The following CHEK1 variants were observed in gnomAD, a reference collection of about 807,000 sequenced individuals.
CHEK1 encodes serine/threonine-protein kinase Chk1.
A neutral mutation model predicts 60.2 loss-of-function variants in CHEK1; 32 were observed. The observed-to-expected ratio is 0.53, with a 90% CI of 0.40 to 0.71. CHEK1 has a LOEUF of 0.71. CHEK1 is among the 30% of genes least tolerant of loss of function. CHEK1 has a pLI of 0.00. For synonymous variants in CHEK1, 179 were observed against 187.2 expected (o/e 0.96, Z 0.36); for missense variants, 399 against 564.6 (o/e 0.71, Z 2.97).
intron 13 of CHEK1, among the ~76,000 whole-genome samples, chr11:125,673,803 T>C (rs977844820): frequency 4.6e-5 from 7 of 152,180 alleles, no homozygotes; most frequent in African/African-American, 1.7e-4. Flanking sequence ...CCATCCAATT[T>C]GTTGTGAAGG....
downstream of CHEK1, chr11:125,681,060 C>CA: frequency 1.7e-5 from 2 of 115,836 alleles, no homozygotes; most frequent in Non-Finnish European, 3.2e-5. This position sits in a 1 kb window ranked among gnomAD's most constrained non-coding sequence, Gnocchi z 4.2. Flanking sequence ...TCTGCCCTAT[C>CA]TTTAAAAAAA....
At chr11:125,648,529 C>T (rs2136043256) in intron 11 of CHEK1, among the ~76,000 whole-genome samples, 1 of 151,698 alleles carries the variant, frequency 6.6e-6, no homozygotes, top group Middle Eastern at 3.4e-3. Context: ...TTGCAGTGAG[C>T]CGAGATGACG....
At chr11:125,676,702 T>G (rs1373113730), downstream of CHEK1, among the ~76,000 whole-genome samples, 1 of 138,280 alleles carries the variant, frequency 7.2e-6, no homozygotes, top group Non-Finnish European at 1.7e-5. Flanking sequence ...CCCAAATTTC[T>G]CTCTCTAATA....
chr11:125,635,972 A>G (rs1210121462), intron 7 of CHEK1: 1 of 153,138 alleles, frequency 6.5e-6, no homozygotes, highest in East Asian at 1.9e-4. Flanking sequence ...GGTATACCCT[A>G]TTGATCTCAG....
In CHEK1 at chr11:125,656,019, C is replaced by G. The variant is rs1404227733; in HGVS notation, c.*699C>G. On this transcript the variant is annotated 3_prime_UTR_variant, in exon 13 of 13. Transcript: ENST00000438015. Reference sequence around the variant, plus strand: ...AATATTTTTCTATATTTTCTACTTTCATAGCCATATTTTAACCTTTTCAAC... The same window carrying G: ...AATATTTTTCTATATTTTCTACTTTGATAGCCATATTTTAACCTTTTCAAC... 1 of 210,190 alleles carries G rather than the reference C, an allele frequency of 4.8e-6. No individual in the cohort carries two copies. Among genetic ancestry groups the G allele is most frequent in the Non-Finnish European group, 9.6e-6 (1 of 103,716 alleles). The allele number at this position is 210,190 out of a possible 1,614,324, so 13.0% of individuals were successfully genotyped here.
chr11:125,658,015 A>G (rs1941950490), downstream of CHEK1, among the ~76,000 whole-genome samples: 1 of 152,196 alleles, frequency 6.6e-6, no homozygotes, highest in Non-Finnish European at 1.5e-5. Context: ...TAGTATTCCA[A>G]ATTTTCACCT....
chr11:125,668,497 G>T (rs757808288), intron 13 of CHEK1, among the ~76,000 whole-genome samples: 64 of 152,062 alleles, frequency 4.2e-4, no homozygotes, highest in Non-Finnish European at 7.6e-4. Flanking sequence ...ATTGTTGGGG[G>T]TTTTTTAAAA....
intron 8 of CHEK1, chr11:125,643,063 C>T (rs1224656436): frequency 6.6e-6 from 1 of 152,078 alleles, no homozygotes; most frequent in Non-Finnish European, 1.5e-5. Context: ...TTGGCTATAG[C>T]AGATTCATAA....
At chr11:125,641,445 G>T (rs1348147212) in intron 8 of CHEK1, among the ~76,000 whole-genome samples, 2 of 151,850 alleles carry the variant, frequency 1.3e-5, no homozygotes, top group Non-Finnish European at 1.5e-5. Flanking sequence ...TGGTTTCATG[G>T]CTCTAAATAA....
Position 125,625,842 on chromosome 11 carries a change from T to C in CHEK1, c.-191T>C, listed in dbSNP as rs112362212. 0.016 allele frequency: 11,163 copies of C among 702,552 alleles called. 114 individuals are homozygous for C. Among genetic ancestry groups the C allele is most frequent in the Non-Finnish European group, 0.021 (8,237 of 384,980 alleles). 43.5% of individuals were successfully genotyped at this position (702,552 alleles called of 1,614,324 possible). A position where few individuals can be genotyped will look rare whatever the true frequency, so the allele number is the denominator to read the frequency against. ...AGCCCTGGGCGGGAGCGGCAACATCTCCACGTCACCCTTTTGGAGCCGCCG... is the reference window on the plus strand; with the variant it reads ...AGCCCTGGGCGGGAGCGGCAACATCCCCACGTCACCCTTTTGGAGCCGCCG... On this transcript the variant is annotated 5_prime_UTR_variant, in exon 1 of 13. Transcript: ENST00000438015.
chr11:125,676,352 C>T (rs752286701), downstream of CHEK1: 7 of 1,614,034 alleles, frequency 4.3e-6, no homozygotes, highest in Admixed American at 1.2e-4. Flanking sequence ...ATGAAGTCCC[C>T]ATATACCTTC....
rs772555864 is a variant in CHEK1 at position 125,633,371 on chromosome 11, G to T, written c.613+20G>T. 2.9e-5 allele frequency: 43 copies of T among 1,491,730 alleles called. No individual in the cohort carries two copies. Among genetic ancestry groups the T allele is most frequent in the Non-Finnish European group, 3.7e-5 (42 of 1,123,158 alleles). The allele number at this position is 1,491,730 out of a possible 1,614,324, so 92.4% of individuals were successfully genotyped here. On this transcript the variant is annotated intron_variant, in intron 6 of 12. Transcript: ENST00000438015. ...CTGGAGGTAAGAGCTATTTAATCAT[G>T]GTAAAACTCCTATAAAAAGTCAGAT...
At chr11:125,661,501 AG>A (rs1272111981), downstream of CHEK1, among the ~76,000 whole-genome samples, 2 of 151,800 alleles carry the variant, frequency 1.3e-5, no homozygotes, top group Non-Finnish European at 2.9e-5. Flanking sequence ...TAGTAGAGAC[AG>A]GGTTTCATCG....
At chr11:125,678,021 A>G, downstream of CHEK1, 1 of 1,614,114 alleles carries the variant, frequency 6.2e-7, no homozygotes, top group Non-Finnish European at 8.5e-7. Context: ...CTGCTCACCT[A>G]CAGTATGCTC....
At chr11:125,648,038 T>C (rs924452296) in intron 11 of CHEK1, among the ~76,000 whole-genome samples, 2 of 152,066 alleles carry the variant, frequency 1.3e-5, no homozygotes, top group African/African-American at 2.4e-5. Context: ...GTCTTTAATT[T>C]CTTTCAAGAA....
intron 7 of CHEK1, chr11:125,636,053 T>C (rs1390462021): frequency 6.6e-6 from 1 of 152,180 alleles, no homozygotes; most frequent in Non-Finnish European, 1.5e-5. Context: ...TATTTGTGTA[T>C]CTAAGTATAG....
intron 11 of CHEK1, among the ~76,000 whole-genome samples, chr11:125,645,542 A>G (rs1011305221): frequency 1.3e-5 from 2 of 152,202 alleles, no homozygotes; most frequent in African/African-American, 2.4e-5. Flanking sequence ...GAAAAAAACT[A>G]TAACGGACAT....
At chr11:125,647,135 T>G (rs1367948203) in intron 11 of CHEK1, among the ~76,000 whole-genome samples, 4 of 152,202 alleles carry the variant, frequency 2.6e-5, no homozygotes, top group African/African-American at 9.6e-5. Flanking sequence ...TTAGCTCTTA[T>G]ATTTAGGTCT....
At chr11:125,638,696 A>G (rs1215433061) in intron 8 of CHEK1, among the ~76,000 whole-genome samples, 4 of 151,930 alleles carry the variant, frequency 2.6e-5, no homozygotes, top group African/African-American at 4.8e-5. Flanking sequence ...CTTCATTGTC[A>G]CTTTCTCCCA....
Sources: gnomAD v4.1 joint callset for allele counts (sites outside exome capture counted in the v4.1 genomes callset) on GRCh38, gnomAD v4.1.1 for gene constraint, Gnocchi (gnomAD v3.1) non-coding constraint, MANE v1.5 for transcripts, NCBI Gene and HGNC (gene_info 2026-07-23, HGNC 2026-07-21) for gene names.